Variants in OR51B5 observed in about 807,000 individuals in gnomAD.
OR51B5 encodes olfactory receptor family 51 subfamily B member 5, also known as olfactory receptor 51B5.
For missense variants in OR51B5, 456 were observed against 374.6 expected (o/e 1.22, Z -1.79); for synonymous variants, 186 against 144.8 (o/e 1.28, Z -2.04).
chr11:5,477,270 A>C (rs1235811692), intron 1 of OR51B5, among the ~76,000 whole-genome samples: 1 of 151,988 alleles, frequency 6.6e-6, no homozygotes, highest in East Asian at 2.0e-4. Flanking sequence ...CATCTGGAGA[A>C]AATGGCTCTG....
intron 1 of OR51B5, among the ~76,000 whole-genome samples, chr11:5,398,329 G>A (rs4432053): frequency 0.38 from 57,876 of 152,016 alleles, 12,734 homozygotes; most frequent in Non-Finnish European, 0.5. Flanking sequence ...AGGTTCTCTG[G>A]ATATTGAGAG....
chr11:5,409,932 A>T (rs1850118965), intron 1 of OR51B5, among the ~76,000 whole-genome samples: 1 of 152,160 alleles, frequency 6.6e-6, no homozygotes, highest in Non-Finnish European at 1.5e-5. Flanking sequence ...ATGATCAAAA[A>T]TAGTACAAAC....
At chr11:5,412,967 C>A (rs2133751912) in intron 1 of OR51B5, among the ~76,000 whole-genome samples, 1 of 152,294 alleles carries the variant, frequency 6.6e-6, no homozygotes, top group South Asian at 2.1e-4. Flanking sequence ...AGCTGGAGAT[C>A]TGAGGATGGG....
At chr11:5,470,310 C>G (rs1255005685) in intron 1 of OR51B5, among the ~76,000 whole-genome samples, 1 of 152,164 alleles carries the variant, frequency 6.6e-6, no homozygotes, top group Non-Finnish European at 1.5e-5. Flanking sequence ...CTTCTTCCCC[C>G]CGAGGATCAA....
At chr11:5,413,163 C>G (rs867654373) in intron 1 of OR51B5, among the ~76,000 whole-genome samples, 1 of 152,176 alleles carries the variant, frequency 6.6e-6, no homozygotes, top group Non-Finnish European at 1.5e-5. Flanking sequence ...GCTGCTGATA[C>G]CCAGGCAAAC....
chr11:5,454,390 G>C (rs144988492), intron 1 of OR51B5: 1 of 1,610,112 alleles, frequency 6.2e-7, no homozygotes. Flanking sequence ...GAAATCCGCC[G>C]AGCCATTTTC....
chr11:5,411,576 C>G (rs1850150047), intron 1 of OR51B5, among the ~76,000 whole-genome samples: 1 of 152,138 alleles, frequency 6.6e-6, no homozygotes, highest in South Asian at 2.1e-4. Context: ...TGTGGTAGAC[C>G]AAATAATGTC....
rs1851451045 is a variant in OR51B5 at position 5,483,272 on chromosome 11, C to T, written n.84+22297G>A. Among the ~76,000 whole-genome samples, 3 of 140,046 alleles carry T rather than the reference C, an allele frequency of 2.1e-5. No individual in the cohort carries two copies. The Admixed American group carries it at 2.2e-4, about 10-fold the overall frequency. The allele number at this position is 140,046 out of a possible 152,430, so 91.9% of individuals were successfully genotyped here. On this transcript the variant is annotated intron_variant and non_coding_transcript_variant, in intron 1 of 4. Transcript: ENST00000415970. Reference sequence around the variant, plus strand: ...TATTGCAAGAACAAAAAACCAAACACCGCATATTCTCACTCATAGGTGGGA... The same window carrying T: ...TATTGCAAGAACAAAAAACCAAACATCGCATATTCTCACTCATAGGTGGGA...
At chr11:5,413,014 C>A (rs889100118) in intron 1 of OR51B5, among the ~76,000 whole-genome samples, 1 of 136,808 alleles carries the variant, frequency 7.3e-6, no homozygotes, top group Admixed American at 7.8e-5. Context: ...GACCCCAGAG[C>A]AGCCTTACTG....
At chr11:5,392,200 G>A (rs1045839739) in intron 1 of OR51B5, 1 of 152,256 alleles carries the variant, frequency 6.6e-6, no homozygotes, top group Admixed American at 6.5e-5. Context: ...GGTGTTATCA[G>A]ACTCTCAGGC....
intron 1 of OR51B5, among the ~76,000 whole-genome samples, chr11:5,380,990 TCTC>T (rs1293320876): frequency 6.6e-6 from 1 of 152,050 alleles, no homozygotes; most frequent in African/African-American, 2.4e-5. Context: ...GGGATTCAGT[TCTC>T]CTGAAGGAAT....
At chr11:5,495,858 AC>A (rs1194886488) in intron 1 of OR51B5, among the ~76,000 whole-genome samples, 2 of 152,254 alleles carry the variant, frequency 1.3e-5, no homozygotes, top group Non-Finnish European at 2.9e-5. Context: ...CTTTAAGGAC[AC>A]GCATAGGCTG....
chr11:5,414,598 C>G (rs7119208), intron 1 of OR51B5, among the ~76,000 whole-genome samples: 64,507 of 135,604 alleles, frequency 0.48, 15,236 homozygotes, highest in East Asian at 0.6. Context: ...ATCTACCAAG[C>G]AAATGGAAAA....
intron 1 of OR51B5, among the ~76,000 whole-genome samples, chr11:5,474,117 G>T (rs1372028812): frequency 6.6e-6 from 1 of 152,052 alleles, no homozygotes; most frequent in South Asian, 2.1e-4. Context: ...ATTTATTGAT[G>T]ACCAAGCACA....
intron 1 of OR51B5, among the ~76,000 whole-genome samples, chr11:5,363,724 A>G (rs1026080739): frequency 2.6e-5 from 4 of 152,192 alleles, no homozygotes; most frequent in South Asian, 2.1e-4. Context: ...AGGTCTTTCC[A>G]TCATTCTGTT....
intron 1 of OR51B5, among the ~76,000 whole-genome samples, chr11:5,364,104 C>A (rs1849328737): frequency 6.6e-6 from 1 of 152,062 alleles, no homozygotes; most frequent in Non-Finnish European, 1.5e-5. Flanking sequence ...ATTATAGATT[C>A]AATAAAGGAA....
At chr11:5,465,192 C>A (rs1274914290) in intron 1 of OR51B5, among the ~76,000 whole-genome samples, 59 of 97,174 alleles carry the variant, frequency 6.1e-4, no homozygotes, top group African/African-American at 2.4e-3. Context: ...GGCGACAGAG[C>A]GAGACTCCGT....
At chr11:5,393,392 G>A (rs897895023) in intron 1 of OR51B5, 23 of 145,550 alleles carry the variant, frequency 1.6e-4, no homozygotes, top group African/African-American at 5.3e-4. Flanking sequence ...ATAAAAATAA[G>A]CAAAATTAGG....
intron 1 of OR51B5, among the ~76,000 whole-genome samples, chr11:5,410,501 G>A (rs1441716117): frequency 6.6e-6 from 1 of 152,082 alleles, no homozygotes; most frequent in East Asian, 1.9e-4. Flanking sequence ...ACAACGGACT[G>A]CATATAGGAC....
Sources: gnomAD v4.1 joint callset for allele counts (sites outside exome capture counted in the v4.1 genomes callset) on GRCh38, gnomAD v4.1.1 for gene constraint, MANE v1.5 for transcripts, NCBI Gene and HGNC (gene_info 2026-07-23, HGNC 2026-07-21) for gene names.